Variants in SMC3 observed in about 807,000 individuals in gnomAD.
SMC3 encodes the protein structural maintenance of chromosomes 3.
SMC3 carries 20 observed loss-of-function variants against 171.8 expected under a neutral mutation model. That is an observed-to-expected ratio of 0.12 (90% CI 0.08 to 0.17). The LOEUF (loss-of-function observed/expected upper bound fraction) is 0.17, where lower values mean the gene tolerates loss of function less well. Among genes scored for constraint, SMC3 ranks in the 10% least tolerant of loss-of-function variants. The pLI, the probability that SMC3 is intolerant of heterozygous loss-of-function variation, is 1.00. For missense variants in SMC3, 543 were observed against 1,420.4 expected, an observed-to-expected ratio of 0.38 and a Z score of 9.93; for synonymous variants, 464 against 451.1, an observed-to-expected ratio of 1.03 and a Z score of -0.36.
rs7088316 is a variant in SMC3, at chr10:110,598,731, A to G, written c.2268+441A>G. ...TAGACCCATACTTTTGGATATCTAC[A>G]TCTATTTTACCATTCTTAAACCCAT... On this transcript the variant is annotated intron_variant, in intron 20 of 28. Transcript: ENST00000361804. 4.4e-3 allele frequency among the ~76,000 whole-genome samples: 664 copies of G among 152,178 alleles called. 4 individuals carry two copies. The highest frequency in any genetic ancestry group is 0.014 in the African/African-American group (581 of 41,528).
In SMC3 at chr10:110,567,773, G is replaced by C. The variant is rs1472145119; in HGVS notation, c.-44G>C. The C allele has an allele frequency of 6.2e-7, 1 of 1,612,842 alleles. No individual in the cohort carries two copies. Among genetic ancestry groups the C allele is most frequent in the African/African-American group, 1.3e-5 (1 of 74,932 alleles). Reference sequence around the variant, plus strand: ...CACCTGACCCTGCGGCCGTGCGGTTGCTGCTCCGGGGCAGGTCTCCTTCCA... The same window carrying C: ...CACCTGACCCTGCGGCCGTGCGGTTCCTGCTCCGGGGCAGGTCTCCTTCCA... On this transcript the variant is annotated 5_prime_UTR_variant, in exon 1 of 29. Coordinates refer to ENST00000361804, the MANE Select transcript of SMC3 (RefSeq NM_005445.4).
intron 8 of SMC3, 22 bp downstream of exon 8, chr10:110,581,043 C>G (rs1367189689): frequency 7.4e-7 from 1 of 1,352,550 alleles, no homozygotes; most frequent in Non-Finnish European, 1.1e-6. Context: ...GTGATTCTGC[C>G]TTATTTTTTT....
chr10:110,590,772 C>T (rs150593733), intron 16 of SMC3, among the ~76,000 whole-genome samples, 200 bp downstream of exon 16: 1 of 152,204 alleles, frequency 6.6e-6, no homozygotes, highest in East Asian at 1.9e-4. Context: ...GAGTTTCTCC[C>T]TCCCCGCCAT....
At chr10:110,576,055 G>C (rs896587881) in intron 4 of SMC3, among the ~76,000 whole-genome samples, 2 of 151,988 alleles carry the variant, frequency 1.3e-5, no homozygotes, top group Non-Finnish European at 2.9e-5. Context: ...CTTACAGCGG[G>C]GTTATGTCCT....
intron 13 of SMC3, 116 bp downstream of exon 13, chr10:110,584,512 G>T: frequency 1.4e-6 from 1 of 708,796 alleles, no homozygotes; most frequent in Non-Finnish European, 2.4e-6. Context: ...TAAAATATAT[G>T]ACAGATACTT....
intron 2 of SMC3, among the ~76,000 whole-genome samples, chr10:110,572,176 T>C (rs1860882372): frequency 6.6e-6 from 1 of 152,352 alleles, no homozygotes; most frequent in African/African-American, 2.4e-5. Flanking sequence ...TTCCACTTTT[T>C]ACACACCTTT....
At chr10:110,573,623 ATATTGAGTATT>A in intron 2 of SMC3, 73 bp from the exon 3 acceptor site, 2 of 934,328 alleles carry the variant, frequency 2.1e-6, no homozygotes, top group Non-Finnish European at 3.4e-6. Context: ...GATTTTAAAA[ATATTGAGTATT>A]TTTAAAAAGG....
At chr10:110,578,438 A>ATTTGCTTCATCTTCAAC (rs1282419349) in intron 6 of SMC3, among the ~76,000 whole-genome samples, 190 bp from the exon 7 acceptor site, 1 of 152,208 alleles carries the variant, frequency 6.6e-6, no homozygotes, top group Non-Finnish European at 1.5e-5. Context: ...TATGAGGAAT[A>ATTTGCTTCATCTTCAAC]TTTGCTTCAT....
intron 2 of SMC3, among the ~76,000 whole-genome samples, 154 bp downstream of exon 2, chr10:110,569,167 A>T (rs1279778623): frequency 6.6e-6 from 1 of 152,220 alleles, no homozygotes; most frequent in African/African-American, 2.4e-5. Context: ...TATTGCACTG[A>T]TGAATTGCTT....
Position 110,600,419 on chromosome 10 carries a change from C to A in SMC3, c.2428-20C>A. The A allele has an allele frequency of 8.1e-7, 1 of 1,239,088 alleles. No homozygotes were observed. Among genetic ancestry groups the A allele is most frequent in the Non-Finnish European group, 1.2e-6 (1 of 837,840 alleles). The allele number at this position is 1,239,088 out of a possible 1,614,324, so 76.8% of individuals were successfully genotyped here. A position where few individuals can be genotyped will look rare whatever the true frequency, so the allele number is the denominator to read the frequency against. Reference sequence around the variant, plus strand: ...TGTGAAATGTACATGCTTATATAGACAACTTTTTCTTAATTCTAGGAAAAC... The same window carrying A: ...TGTGAAATGTACATGCTTATATAGAAAACTTTTTCTTAATTCTAGGAAAAC... On this transcript the variant is annotated intron_variant, in intron 21 of 28. Coordinates refer to ENST00000361804, the MANE Select transcript of SMC3 (RefSeq NM_005445.4).
intron 12 of SMC3, 34 bp from the exon 13 acceptor site, chr10:110,584,149 T>C (rs1184141172): frequency 6.3e-7 from 1 of 1,591,670 alleles, no homozygotes; most frequent in Non-Finnish European, 8.6e-7. Flanking sequence ...GTTATTATTC[T>C]CCTTTTCATC....
chr10:110,581,118 A>C, intron 8 of SMC3, 97 bp downstream of exon 8: 1 of 771,414 alleles, frequency 1.3e-6, no homozygotes, highest in South Asian at 1.4e-5. Context: ...TGTTTAGTAT[A>C]TGACAGCATT....
intron 12 of SMC3, 61 bp from the exon 13 acceptor site, chr10:110,584,122 G>T: frequency 6.5e-7 from 1 of 1,530,352 alleles, no homozygotes; most frequent in South Asian, 1.1e-5. Context: ...TGACATTATT[G>T]GTTGCAATTA....
At chr10:110,575,501 C>A in intron 4 of SMC3, 98 bp downstream of exon 4, 1 of 881,830 alleles carries the variant, frequency 1.1e-6, no homozygotes, top group Non-Finnish European at 1.8e-6. Context: ...GTTTCAGATT[C>A]TTTGTGAACA....
chr10:110,585,347 T>C (rs536336017), intron 13 of SMC3, among the ~76,000 whole-genome samples: 4 of 150,274 alleles, frequency 2.7e-5, no homozygotes, highest in African/African-American at 9.8e-5. Context: ...TGGAGTGCAG[T>C]GGCATGATCT....
chr10:110,592,778 A>C (rs546458488), intron 17 of SMC3, among the ~76,000 whole-genome samples: 89 of 152,342 alleles, frequency 5.8e-4, no homozygotes, highest in Middle Eastern at 6.8e-3. Flanking sequence ...ACTTGTCCAC[A>C]GTACACATCT....
At chr10:110,587,158 G>A (rs960837113) in intron 13 of SMC3, among the ~76,000 whole-genome samples, 4 of 152,198 alleles carry the variant, frequency 2.6e-5, no homozygotes, top group Admixed American at 1.3e-4. Context: ...TATCTTGGCC[G>A]TAGCAACTGC....
chr10:110,569,122 G>A (rs1373451868), intron 2 of SMC3, 109 bp downstream of exon 2: 4 of 760,594 alleles, frequency 5.3e-6, no homozygotes, highest in Non-Finnish European at 9.3e-6. Flanking sequence ...TGAATATTAA[G>A]TTATATTTTT....
intron 27 of SMC3, 34 bp from the exon 28 acceptor site, chr10:110,603,145 TGAAAA>T (rs1207088559): frequency 5.1e-6 from 8 of 1,554,154 alleles, no homozygotes; most frequent in East Asian, 2.2e-5. Flanking sequence ...TCAGATCTGC[TGAAAA>T]GAAATTTGTT....
Sources: gnomAD v4.1 joint callset for allele counts (sites outside exome capture counted in the v4.1 genomes callset) on GRCh38, gnomAD v4.1.1 for gene constraint, MANE v1.5 for transcripts, NCBI Gene and HGNC (gene_info 2026-07-23, HGNC 2026-07-21) for gene names.